Variants in RAB1A observed in about 807,000 individuals in gnomAD.
RAB1A encodes the protein RAB1A, member RAS oncogene family, also known as ras-related protein Rab-1A.
RAB1A carries 2 observed loss-of-function variants against 26.0 expected under a neutral mutation model. The observed-to-expected ratio is 0.08, with a 90% CI of 0.03 to 0.24. The LOEUF (loss-of-function observed/expected upper bound fraction) is 0.24. RAB1A is among the 10% of genes least tolerant of loss of function. RAB1A has a pLI of 1.00. For synonymous variants in RAB1A, 84 were observed against 84.9 expected (o/e 0.99, Z 0.06); for missense variants, 100 against 247.0 (o/e 0.40, Z 3.99).
intron 2 of RAB1A, among the ~76,000 whole-genome samples, chr2:65,100,921 A>C (rs957319521): frequency 6.6e-6 from 1 of 151,922 alleles, no homozygotes; most frequent in South Asian, 2.1e-4. Context: ...AGAGGTGCAC[A>C]TATCACTTGA....
intron 2 of RAB1A, among the ~76,000 whole-genome samples, chr2:65,102,914 A>G (rs1283073745): frequency 6.6e-6 from 1 of 151,862 alleles, no homozygotes; most frequent in Non-Finnish European, 1.5e-5. Flanking sequence ...CAACAAAGCA[A>G]TATTCCATCT....
intron 1 of RAB1A, chr2:65,106,387 A>G: frequency 2.9e-6 from 1 of 344,494 alleles, no homozygotes; most frequent in East Asian, 1.1e-4. Flanking sequence ...TGTAAACAAG[A>G]CATAAAACTT....
intron 2 of RAB1A, among the ~76,000 whole-genome samples, chr2:65,098,836 CTTTT>C (rs70943624): frequency 9.7e-6 from 1 of 103,430 alleles, no homozygotes. Context: ...AACAGTACTT[CTTTT>C]TTTTTTTTTT....
chr2:65,129,492 G>A (rs1004300083), intron 1 of RAB1A, among the ~76,000 whole-genome samples: 2 of 152,100 alleles, frequency 1.3e-5, no homozygotes, highest in African/African-American at 4.8e-5. Context: ...GAGTGCGGGC[G>A]CAGGGTCTGA....
intron 3 of RAB1A, among the ~76,000 whole-genome samples, chr2:65,095,475 G>C (rs1191611266): frequency 6.6e-6 from 1 of 151,252 alleles, no homozygotes; most frequent in Non-Finnish European, 1.5e-5. Context: ...TCAGTCTCCT[G>C]GGGAGCTAGG....
In RAB1A at chr2:65,129,983, C is replaced by A. The variant is rs1188385890; in HGVS notation, c.-68G>T. 6.6e-7 allele frequency: 1 copy of A among 1,521,820 alleles called. No individual in the cohort carries two copies. The highest frequency in any genetic ancestry group is 8.9e-7 in the Non-Finnish European group (1 of 1,118,894). The allele number at this position is 1,521,820 out of a possible 1,614,324, so 94.3% of individuals were successfully genotyped here. On this transcript the variant is annotated 5_prime_UTR_variant, in exon 1 of 6. Transcript: ENST00000409784. ...GCAGCCGCCGCCCTGACTCTCCGCG[C>A]CACGGGTAATCGAAAGAAAGGAATG...
chr2:65,117,648 C>T (rs1669855710), intron 1 of RAB1A, among the ~76,000 whole-genome samples: 1 of 152,056 alleles, frequency 6.6e-6, no homozygotes, highest in Admixed American at 6.6e-5. Flanking sequence ...CTCACTGCAA[C>T]CTCCACCTCC....
At chr2:65,115,779 A>C (rs745800510) in intron 1 of RAB1A, among the ~76,000 whole-genome samples, 11 of 152,170 alleles carry the variant, frequency 7.2e-5, no homozygotes, top group Non-Finnish European at 1.3e-4. Context: ...AACCACTAAA[A>C]TTACATGTTT....
At chr2:65,127,590 G>C (rs1330218122) in intron 1 of RAB1A, among the ~76,000 whole-genome samples, 4 of 152,204 alleles carry the variant, frequency 2.6e-5, no homozygotes, top group African/African-American at 9.6e-5. Flanking sequence ...GCCGGGAGTG[G>C]TGGCACATGC....
intron 1 of RAB1A, among the ~76,000 whole-genome samples, chr2:65,113,908 T>A (rs1313730331): frequency 6.6e-6 from 1 of 152,196 alleles, no homozygotes; most frequent in Non-Finnish European, 1.5e-5. Flanking sequence ...TTTAACAACC[T>A]GCAGTAAGCT....
rs185927377 is a variant in RAB1A, at chr2:65,118,256, T to G, written c.23+11637A>C. Among the ~76,000 whole-genome samples, 3 of 152,366 alleles carry G rather than the reference T, an allele frequency of 2.0e-5. No individual in the cohort carries two copies. In the East Asian group the frequency reaches 5.8e-4, roughly 29 times the overall value. Reference sequence around the variant, plus strand: ...TTATAGGCCCCTTCCCCAAATCTTTTGCACTATTTTGCCATGCTATTCCGT... The same window carrying G: ...TTATAGGCCCCTTCCCCAAATCTTTGGCACTATTTTGCCATGCTATTCCGT... On this transcript the variant is annotated intron_variant, in intron 1 of 5. Coordinates refer to ENST00000409784, the MANE Select transcript of RAB1A (RefSeq NM_004161.5).
In RAB1A at chr2:65,117,073, C is replaced by G. The variant is rs574175699; in HGVS notation, c.24-12267G>C. Among the ~76,000 whole-genome samples the G allele has an allele frequency of 9.9e-5, 15 of 150,758 alleles. No homozygotes were observed. The South Asian group carries it at 1.9e-3, about 19-fold the overall frequency. On this transcript the variant is annotated intron_variant, in intron 1 of 5. Coordinates refer to ENST00000409784, the MANE Select transcript of RAB1A (RefSeq NM_004161.5). ...TAAATCCTTCCCCCACCCCCACCCACCACCACCACAGAGACAGGGTCTTGC... is the reference window on the plus strand; with the variant it reads ...TAAATCCTTCCCCCACCCCCACCCAGCACCACCACAGAGACAGGGTCTTGC...
intron 1 of RAB1A, among the ~76,000 whole-genome samples, chr2:65,123,910 A>C (rs1342368444): frequency 6.6e-6 from 1 of 151,684 alleles, no homozygotes; most frequent in African/African-American, 2.4e-5. Flanking sequence ...TAAAAAAAAA[A>C]ACTAAACTAA....
intron 1 of RAB1A, among the ~76,000 whole-genome samples, chr2:65,122,242 A>C (rs532187500): frequency 1.3e-5 from 2 of 149,908 alleles, no homozygotes; most frequent in Non-Finnish European, 3.0e-5. Context: ...ACCCATTTTC[A>C]GTTTTTCTTC....
At chr2:65,121,254 A>G (rs924592394) in intron 1 of RAB1A, among the ~76,000 whole-genome samples, 1 of 150,756 alleles carries the variant, frequency 6.6e-6, no homozygotes, top group East Asian at 1.9e-4. Context: ...AAAAAAAAAA[A>G]CCATAGCCAC....
intron 1 of RAB1A, among the ~76,000 whole-genome samples, chr2:65,124,148 T>C (rs1670039631): frequency 6.6e-6 from 1 of 152,016 alleles, no homozygotes; most frequent in African/African-American, 2.4e-5. Flanking sequence ...CCACCACGCC[T>C]AGCTAATTTG....
At chr2:65,101,232 T>C (rs569191966) in intron 2 of RAB1A, among the ~76,000 whole-genome samples, 1 of 152,140 alleles carries the variant, frequency 6.6e-6, no homozygotes, top group African/African-American at 2.4e-5. Context: ...TTACTATTCG[T>C]CTGCCCAAAA....
chr2:65,099,115 G>C (rs1669359106), intron 2 of RAB1A, among the ~76,000 whole-genome samples: 1 of 152,132 alleles, frequency 6.6e-6, no homozygotes, highest in Non-Finnish European at 1.5e-5. Context: ...GGGATTACAG[G>C]TGTGAGCCAC....
At chr2:65,091,205 T>A in intron 3 of RAB1A, 127 bp from the exon 4 acceptor site, 1 of 682,376 alleles carries the variant, frequency 1.5e-6, no homozygotes, top group Non-Finnish European at 2.5e-6. Flanking sequence ...TATAGAAACA[T>A]TAGTCCTCAA....
Sources: allele counts gnomAD v4.1 joint callset (sites outside exome capture counted in the v4.1 genomes callset), GRCh38; gene constraint gnomAD v4.1.1; transcripts MANE v1.5; gene names NCBI Gene and HGNC (gene_info 2026-07-23, HGNC 2026-07-21).